The following MTNR1A variants were observed in gnomAD, a reference collection of about 807,000 sequenced individuals.
The protein encoded by MTNR1A is melatonin receptor 1A, also known as melatonin receptor type 1A.
Under a neutral mutation model 5.5 loss-of-function variants are expected in MTNR1A, and 7 were observed. The ratio of observed to expected loss-of-function variants is 1.28; its 90% CI spans 0.73 to 2.40. MTNR1A has a LOEUF of 2.40. Among genes scored for constraint, MTNR1A ranks in the 30% most tolerant of loss-of-function variants. The probability of loss-of-function intolerance (pLI) is 0.00; values close to 1 mark genes in which losing one functional copy is unlikely to be tolerated. For synonymous variants in MTNR1A, 196 were observed against 202.7 expected (o/e 0.97, Z 0.28); for missense variants, 441 against 464.4 (o/e 0.95, Z 0.46).
At chr4:186,545,404 G>A (rs892175368) in intron 1 of MTNR1A, among the ~76,000 whole-genome samples, 1 of 152,120 alleles carries the variant, frequency 6.6e-6, no homozygotes, top group Admixed American at 6.5e-5. Context: ...TCGCACAGCC[G>A]TCTGTCTCCC....
chr4:186,539,612 T>C (rs751298083), intron 1 of MTNR1A, among the ~76,000 whole-genome samples: 3 of 152,130 alleles, frequency 2.0e-5, no homozygotes, highest in Non-Finnish European at 4.4e-5. Context: ...GTTGTTCATC[T>C]CTCCACCATG....
intron 1 of MTNR1A, among the ~76,000 whole-genome samples, chr4:186,541,786 C>A (rs750180060): frequency 2.6e-5 from 4 of 152,288 alleles, no homozygotes; most frequent in Non-Finnish European, 5.9e-5. Flanking sequence ...ACCATTCCCC[C>A]ACCCTGTCCT....
In MTNR1A at chr4:186,534,355, G is replaced by A; in HGVS notation, c.387C>T (p.Ile129=). 6.2e-7 allele frequency: 1 copy of A among 1,614,186 alleles called. No individual in the cohort carries two copies. The highest frequency in any genetic ancestry group is 8.5e-7 in the Non-Finnish European group (1 of 1,180,028). The change falls in exon 2 of 2, where the codon ATC becomes ATT. Residue 129 remains isoleucine, a synonymous_variant. Transcript: ENST00000307161. ...TGIAINRYCY[I]CHSLKYDKLY... is the part of the protein sequence containing the mutation. ...GTTTGTCGTACTTGAGACTGTGGCA[G>A]ATGTAGCAGTAGCGGTTGATGGCGA... is the stretch of plus-strand genomic sequence containing the variant.
At chr4:186,551,749 A>G (rs1737270659) in intron 1 of MTNR1A, among the ~76,000 whole-genome samples, 1 of 152,128 alleles carries the variant, frequency 6.6e-6, no homozygotes, top group African/African-American at 2.4e-5. Context: ...TGAGGCCCAA[A>G]GTCCACATTC....
chr4:186,540,794 G>C (rs1737000601), intron 1 of MTNR1A, among the ~76,000 whole-genome samples: 1 of 125,418 alleles, frequency 8.0e-6, no homozygotes, highest in Non-Finnish European at 1.8e-5. Context: ...GGAAGGACCA[G>C]GTGCTGTCTG....
Position 186,534,204 on chromosome 4 carries a change from C to A in MTNR1A, c.538G>T (p.Ala180Ser), listed in dbSNP as rs763220216. 6.2e-7 allele frequency: 1 copy of A among 1,613,622 alleles called. No individual in the cohort carries two copies. The highest frequency in any genetic ancestry group is 1.3e-5 in the African/African-American group (1 of 74,856). The change falls in exon 2 of 2, where the codon GCC becomes TCC. Residue 180 changes from alanine (A) to serine (S), a missense_variant. By Grantham distance (99) the Ala-to-Ser change is moderately conservative. Coordinates refer to ENST00000307161, the MANE Select transcript of MTNR1A (RefSeq NM_005958.4). ...GTGTAGGCGGAGCTGACGGACTGGG[C>A]GAAGGTGCACGAGTAGATCCTCGGG... ...YDPRIYSCTF[A>S]QSVSSAYTIA...
rs370719848 is a variant in MTNR1A at position 186,534,100 on chromosome 4, A to G, written c.642T>C (p.Val214=). Residue 214 remains valine, a synonymous_variant, in exon 2 of 2, where the codon GTT becomes GTC. Transcript: ENST00000307161. ...IFCYLRIWIL[V]LQVRQRVKPD... Reference sequence around the variant, plus strand: ...GTTTCACCCTCTGTCTGACCTGGAGAACCAGGATCCATATTCTCAGGTAAC... The same window carrying G: ...GTTTCACCCTCTGTCTGACCTGGAGGACCAGGATCCATATTCTCAGGTAAC... 9.3e-6 allele frequency: 15 copies of G among 1,614,136 alleles called. No homozygotes were observed. In the African/African-American group the frequency reaches 1.6e-4, roughly 17 times the overall value.
intron 1 of MTNR1A, among the ~76,000 whole-genome samples, chr4:186,535,090 T>C (rs1736816434): frequency 6.6e-6 from 1 of 152,120 alleles, no homozygotes; most frequent in Non-Finnish European, 1.5e-5. Flanking sequence ...CCTTACTAAC[T>C]GTCCAACCGG....
In MTNR1A at chr4:186,534,246, C is replaced by T. The variant is rs1433826150; in HGVS notation, c.496G>A (p.Gly166Arg). Residue 166 changes from glycine to arginine, a missense_variant, in exon 2 of 2, where the codon GGG becomes AGG. By Grantham distance (125) the Gly-to-Arg change is moderately radical. Coordinates refer to ENST00000307161, the MANE Select transcript of MTNR1A (RefSeq NM_005958.4). ...ATCCTCGGGTCGTACTGGAGAGTCC[C>T]TGCACGGAGGTTGGGCAGGACGGCC... ...LAAVLPNLRA[G>R]TLQYDPRIYS... 1 of 1,614,074 alleles carries T rather than the reference C, an allele frequency of 6.2e-7. No individual in the cohort carries two copies. The highest frequency in any genetic ancestry group is 2.2e-5 in the East Asian group (1 of 44,870).
intron 1 of MTNR1A, among the ~76,000 whole-genome samples, chr4:186,536,492 C>T (rs1736854640): frequency 6.6e-6 from 1 of 152,164 alleles, no homozygotes; most frequent in African/African-American, 2.4e-5. Context: ...AAGATTTCGC[C>T]TTCTATTCTA....
intron 1 of MTNR1A, among the ~76,000 whole-genome samples, chr4:186,542,856 G>T (rs1361217113): frequency 6.6e-6 from 1 of 152,122 alleles, no homozygotes; most frequent in Non-Finnish European, 1.5e-5. Context: ...TGGCACTTTG[G>T]GAGGCTGGAG....
At chr4:186,535,237 A>T (rs899298671) in intron 1 of MTNR1A, among the ~76,000 whole-genome samples, 1 of 152,172 alleles carries the variant, frequency 6.6e-6, no homozygotes, top group Non-Finnish European at 1.5e-5. Context: ...CTTACACCAT[A>T]GAAATGTTCT....
At chr4:186,549,759 C>G (rs866696538) in intron 1 of MTNR1A, among the ~76,000 whole-genome samples, 1 of 152,302 alleles carries the variant, frequency 6.6e-6, no homozygotes, top group South Asian at 2.1e-4. Flanking sequence ...GTTTGACCCA[C>G]GCTTAGAACA....
chr4:186,551,790 G>A (rs1209863216), intron 1 of MTNR1A, among the ~76,000 whole-genome samples: 1 of 152,234 alleles, frequency 6.6e-6, no homozygotes, highest in African/African-American at 2.4e-5. Flanking sequence ...TCTCTGAGTG[G>A]TAATGCAGAA....
intron 1 of MTNR1A, among the ~76,000 whole-genome samples, chr4:186,548,742 C>A (rs565839806): frequency 6.8e-6 from 1 of 147,112 alleles, no homozygotes; most frequent in East Asian, 2.0e-4. Flanking sequence ...TTCAGAGGGA[C>A]ACATCCCAAA....
chr4:186,534,776 C>A (rs1015364722), intron 1 of MTNR1A, among the ~76,000 whole-genome samples: 15 of 152,160 alleles, frequency 9.9e-5, no homozygotes, highest in Non-Finnish European at 2.2e-4. Flanking sequence ...CTCCCCAGAA[C>A]AGGGCCTGTT....
intron 1 of MTNR1A, among the ~76,000 whole-genome samples, chr4:186,535,702 C>T (rs991707688): frequency 6.6e-6 from 1 of 152,212 alleles, no homozygotes; most frequent in Non-Finnish European, 1.5e-5. Flanking sequence ...TGAGCCATTG[C>T]TCCCAGCTAC....
intron 1 of MTNR1A, among the ~76,000 whole-genome samples, chr4:186,546,822 G>A (rs75927979): frequency 0.21 from 13,209 of 62,688 alleles, 11 homozygotes; most frequent in Middle Eastern, 0.31. Context: ...CACCCTGTTC[G>A]TGGGACACAC....
intron 1 of MTNR1A, among the ~76,000 whole-genome samples, chr4:186,546,655 C>T (rs1468640313): frequency 6.6e-6 from 1 of 151,360 alleles, no homozygotes; most frequent in Non-Finnish European, 1.5e-5. Context: ...CCTGTTCATG[C>T]CACCCACATC....
Sources: gnomAD v4.1 joint callset for allele counts (sites outside exome capture counted in the v4.1 genomes callset) on GRCh38, gnomAD v4.1.1 for gene constraint, MANE v1.5 for transcripts, NCBI Gene and HGNC (gene_info 2026-07-23, HGNC 2026-07-21) for gene names.